LYPLAL1: variants seen among roughly 807,000 people sequenced by gnomAD.
LYPLAL1 encodes lysophospholipase-like protein 1.
LYPLAL1 carries 23 observed loss-of-function variants against 19.7 expected under a neutral mutation model. The ratio of observed to expected loss-of-function variants is 1.17; its 90% CI spans 0.84 to 1.65. The LOEUF is 1.65. LYPLAL1 is among the 40% of genes most tolerant of loss of function. LYPLAL1 has a pLI of 0.00. For missense variants in LYPLAL1, 355 were observed against 279.4 expected (o/e 1.27, Z -1.93); for synonymous variants, 119 against 96.3 (o/e 1.24, Z -1.38).
Position 219,211,888 on chromosome 1 carries a change from A to C in LYPLAL1, c.*160A>C. ...CTGTAGACAGTAGCTAATCTTATTA[A>C]TGAAAAACAATAGACAAACATCTGT... On this transcript the variant is annotated 3_prime_UTR_variant, in exon 5 of 5. Coordinates refer to ENST00000366928, the MANE Select transcript of LYPLAL1 (RefSeq NM_138794.5). 6.5e-6 allele frequency: 3 copies of C among 459,500 alleles called. No homozygotes were observed. Among genetic ancestry groups the C allele is most frequent in the Non-Finnish European group, 1.1e-5 (3 of 263,272 alleles). 28.5% of individuals were successfully genotyped at this position (459,500 alleles called of 1,614,324 possible). A position where few individuals can be genotyped will look rare whatever the true frequency, so the allele number is the denominator to read the frequency against.
At chr1:219,323,351 T>C in the LYPLAL1 span, among the ~76,000 whole-genome samples, 1 of 152,168 alleles carries the variant, frequency 6.6e-6, no homozygotes, top group African/African-American at 2.4e-5. Flanking sequence ...TTCCTGTCAA[T>C]AGTCCTGGTT....
intron 2 of LYPLAL1, among the ~76,000 whole-genome samples, chr1:219,190,279 A>G (rs925007987): frequency 2.6e-5 from 4 of 151,618 alleles, no homozygotes; most frequent in African/African-American, 9.7e-5. Flanking sequence ...TAGATAATGC[A>G]GAACTATAAA....
At chr1:219,266,187 AAAAC>A in the LYPLAL1 span, among the ~76,000 whole-genome samples, 35 of 152,238 alleles carry the variant, frequency 2.3e-4, no homozygotes, top group African/African-American at 8.2e-4. Flanking sequence ...CATTTAGTTA[AAAAC>A]AAACACATTT....
the LYPLAL1 span, among the ~76,000 whole-genome samples, chr1:219,240,880 G>T: frequency 6.6e-6 from 1 of 151,776 alleles, no homozygotes; most frequent in South Asian, 2.1e-4. Context: ...TACAAATGAT[G>T]TCCACCACTT....
chr1:219,193,847 A>G (rs1657393603), intron 3 of LYPLAL1, among the ~76,000 whole-genome samples: 1 of 151,892 alleles, frequency 6.6e-6, no homozygotes, highest in Admixed American at 6.6e-5. Context: ...TGGGGCATGT[A>G]GAATATGAAT....
chr1:219,444,816 T>C, the LYPLAL1 span, among the ~76,000 whole-genome samples: 11 of 152,226 alleles, frequency 7.2e-5, no homozygotes, highest in African/African-American at 2.7e-4. Context: ...AGAATTTTAC[T>C]TTCCAACAAC....
At chr1:219,197,059 C>T (rs770221871) in intron 3 of LYPLAL1, among the ~76,000 whole-genome samples, 26 of 152,054 alleles carry the variant, frequency 1.7e-4, no homozygotes, top group Non-Finnish European at 3.7e-4. Context: ...CCATACTACC[C>T]GAAGTAATTT....
chr1:219,343,112 G>A, the LYPLAL1 span, among the ~76,000 whole-genome samples: 2 of 152,176 alleles, frequency 1.3e-5, no homozygotes, highest in African/African-American at 4.8e-5. Flanking sequence ...CTGTAATATG[G>A]ATGTGATGAC....
At chr1:219,292,169 A>G in the LYPLAL1 span, among the ~76,000 whole-genome samples, 1 of 152,148 alleles carries the variant, frequency 6.6e-6, no homozygotes, top group East Asian at 1.9e-4. Context: ...CTGATCCTCA[A>G]ATCTCAGCTG....
the LYPLAL1 span, among the ~76,000 whole-genome samples, chr1:219,258,477 A>G: frequency 6.6e-6 from 1 of 151,940 alleles, no homozygotes; most frequent in African/African-American, 2.4e-5. Context: ...CAAATAGCAT[A>G]TTTTCCTCTA....
chr1:219,241,134 C>CTATATATATATATATATATATATATATA, the LYPLAL1 span, among the ~76,000 whole-genome samples: 1 of 44,356 alleles, frequency 2.3e-5, no homozygotes, highest in Non-Finnish European at 4.3e-5. Context: ...CTCTCTCTCT[C>CTATATATATATATATATATATATATATA]TATATATATA....
At chr1:219,361,862 G>A in the LYPLAL1 span, among the ~76,000 whole-genome samples, 311 of 152,238 alleles carry the variant, frequency 2.0e-3, 4 homozygotes, top group African/African-American at 7.2e-3. Context: ...TTTGGCAAAT[G>A]CTGTCTTTCT....
the LYPLAL1 span, among the ~76,000 whole-genome samples, chr1:219,345,694 C>T: frequency 6.6e-6 from 1 of 152,106 alleles, no homozygotes; most frequent in Non-Finnish European, 1.5e-5. Flanking sequence ...TTCCCTTCAC[C>T]TTTCTTTCTT....
the LYPLAL1 span, among the ~76,000 whole-genome samples, chr1:219,425,403 T>G: frequency 6.6e-6 from 1 of 152,248 alleles, no homozygotes; most frequent in South Asian, 2.1e-4. Flanking sequence ...GAGCTTTGAT[T>G]CAAAATATAA....
At chr1:219,399,866 G>A in the LYPLAL1 span, among the ~76,000 whole-genome samples, 2 of 152,132 alleles carry the variant, frequency 1.3e-5, no homozygotes, top group Non-Finnish European at 2.9e-5. Context: ...TTAAGCCCAG[G>A]GGTTTGGCCA....
chr1:219,407,299 AT>A, the LYPLAL1 span, among the ~76,000 whole-genome samples: 41 of 152,188 alleles, frequency 2.7e-4, no homozygotes, highest in Non-Finnish European at 5.3e-4. Flanking sequence ...CTCCAAACAA[AT>A]TTGGGGTTCT....
the LYPLAL1 span, among the ~76,000 whole-genome samples, chr1:219,282,941 T>C: frequency 6.6e-6 from 1 of 152,034 alleles, no homozygotes; most frequent in Non-Finnish European, 1.5e-5. Flanking sequence ...ATGAAAGTTA[T>C]CATTCTAGGA....
the LYPLAL1 span, among the ~76,000 whole-genome samples, chr1:219,333,522 C>T: frequency 2.6e-5 from 4 of 152,092 alleles, no homozygotes; most frequent in Non-Finnish European, 5.9e-5. Context: ...TGGAAGGTCA[C>T]TACCTTCCTC....
At chr1:219,346,994 CAT>C in the LYPLAL1 span, among the ~76,000 whole-genome samples, 15 of 152,276 alleles carry the variant, frequency 9.9e-5, no homozygotes, top group Admixed American at 2.0e-4. Flanking sequence ...TTATAGGTAA[CAT>C]GTGTTTTTAA....
Sources: gnomAD v4.1 joint callset for allele counts (sites outside exome capture counted in the v4.1 genomes callset) on GRCh38, gnomAD v4.1.1 for gene constraint, MANE v1.5 for transcripts, NCBI Gene and HGNC (gene_info 2026-07-23, HGNC 2026-07-21) for gene names.